Variants in MCUR1 observed in about 807,000 individuals in gnomAD.
The protein encoded by MCUR1 is MCU regulator 1.
MCUR1 carries 37 observed loss-of-function variants against 42.0 expected under a neutral mutation model. The observed-to-expected ratio is 0.88, with a 90% CI of 0.68 to 1.16. The LOEUF (loss-of-function observed/expected upper bound fraction) is 1.16. Ranked by LOEUF, MCUR1 falls within the 50% of genes most tolerant of loss-of-function variation. The pLI is 0.00. For synonymous variants in MCUR1, 229 were observed against 196.2 expected, an observed-to-expected ratio of 1.17 and a Z score of -1.40; for missense variants, 469 against 468.4, an observed-to-expected ratio of 1.00 and a Z score of -0.01.
chr6:13,807,666 TATG>T (rs1359258596), intron 1 of MCUR1, among the ~76,000 whole-genome samples: 12 of 152,236 alleles, frequency 7.9e-5, no homozygotes, highest in African/African-American at 2.7e-4. Flanking sequence ...TGCTGGATCA[TATG>T]ATAACTCCAT....
At chr6:13,808,386 T>C (rs1483122285) in intron 1 of MCUR1, among the ~76,000 whole-genome samples, 1 of 152,202 alleles carries the variant, frequency 6.6e-6, no homozygotes, top group Non-Finnish European at 1.5e-5. Context: ...CTTCATATAT[T>C]CTAGATACAA....
rs1760335235 is a variant in MCUR1, at chr6:13,814,551, C to T, written c.-122G>A. The T allele has an allele frequency of 1.9e-6, 2 of 1,068,282 alleles. No individual in the cohort carries two copies. Among genetic ancestry groups the T allele is most frequent in the Non-Finnish European group, 1.2e-6 (1 of 853,328 alleles). 66.2% of individuals were successfully genotyped at this position (1,068,282 alleles called of 1,614,324 possible). Reference sequence around the variant, plus strand: ...GCGTGGGCCACAGCGCAGGACCGCCCTTTCCTGCCGGGCGCGCGGGCGGGG... The same window carrying T: ...GCGTGGGCCACAGCGCAGGACCGCCTTTTCCTGCCGGGCGCGCGGGCGGGG... On this transcript the variant is annotated 5_prime_UTR_variant, in exon 1 of 9. Coordinates refer to ENST00000379170, the MANE Select transcript of MCUR1 (RefSeq NM_001031713.4).
At position 13,814,519 on chromosome 6, in the gene MCUR1, G is replaced by A. The variant is rs1015696426; in HGVS notation, c.-90C>T. The A allele has an allele frequency of 7.6e-7, 1 of 1,316,948 alleles. No homozygotes were observed. The highest frequency in any genetic ancestry group is 9.7e-7 in the Non-Finnish European group (1 of 1,031,580). The allele number at this position is 1,316,948 out of a possible 1,614,324, so 81.6% of individuals were successfully genotyped here. ...GGTCCAGGCCCAGAGTCCGACAGCGGGAGCGAGCGTGGGCCACAGCGCAGG... is the reference window on the plus strand; with the variant it reads ...GGTCCAGGCCCAGAGTCCGACAGCGAGAGCGAGCGTGGGCCACAGCGCAGG... On this transcript the variant is annotated 5_prime_UTR_variant, in exon 1 of 9. Transcript: ENST00000379170.
intron 1 of MCUR1, among the ~76,000 whole-genome samples, chr6:13,809,374 G>T (rs1760181194): frequency 6.6e-6 from 1 of 152,138 alleles, no homozygotes; most frequent in Non-Finnish European, 1.5e-5. Flanking sequence ...AATCATAAGA[G>T]ATATCGGTCA....
At chr6:13,792,825 T>A (rs1759760790) in intron 7 of MCUR1, among the ~76,000 whole-genome samples, 1 of 152,156 alleles carries the variant, frequency 6.6e-6, no homozygotes, top group Admixed American at 6.5e-5. Context: ...ATTCTGGAAT[T>A]CTCTCATGAA....
intron 1 of MCUR1, among the ~76,000 whole-genome samples, chr6:13,809,353 T>G (rs1053417254): frequency 6.6e-5 from 10 of 152,222 alleles, no homozygotes; most frequent in African/African-American, 2.4e-4. Flanking sequence ...GTTAAGGATT[T>G]TCTCATCTTT....
chr6:13,802,693 GT>G (rs1354431678), intron 2 of MCUR1, among the ~76,000 whole-genome samples: 5 of 152,062 alleles, frequency 3.3e-5, no homozygotes, highest in African/African-American at 4.8e-5. Flanking sequence ...TGCAATTCTT[GT>G]TTTTATAATT....
chr6:13,811,570 C>A (rs1294065490), intron 1 of MCUR1, among the ~76,000 whole-genome samples: 1 of 152,068 alleles, frequency 6.6e-6, no homozygotes, highest in African/African-American at 2.4e-5. Flanking sequence ...AGAGACCTAG[C>A]CTGAGAAACA....
rs1759622767 is a variant in MCUR1, at chr6:13,787,178, T to C, written c.*3631A>G. ...AGGAGAAGGCTAGAAGAGGGAAGAT[T>C]ATGTCACTAAGCATAGCTACAAAAG... On this transcript the variant is annotated 3_prime_UTR_variant, in exon 9 of 9. Transcript: ENST00000379170. The C allele has an allele frequency of 6.6e-6, 1 of 152,108 alleles. No individual in the cohort carries two copies. Among genetic ancestry groups the C allele is most frequent in the Non-Finnish European group, 1.5e-5 (1 of 68,024 alleles). 9.4% of individuals were successfully genotyped at this position (152,108 alleles called of 1,614,324 possible).
rs1046042890 is a variant in MCUR1, at chr6:13,790,672, C to T, written c.*137G>A. The T allele has an allele frequency of 2.9e-5, 16 of 544,682 alleles. No individual in the cohort carries two copies. The East Asian group carries it at 3.1e-4, about 11-fold the overall frequency. The allele number at this position is 544,682 out of a possible 1,614,324, so 33.7% of individuals were successfully genotyped here. On this transcript the variant is annotated 3_prime_UTR_variant, in exon 9 of 9. Transcript: ENST00000379170. ...TTCACCGTGTTGGCCAGGCTGGTCT[C>T]GAACTCCTGACCTCAGGTAATCCAC...
intron 1 of MCUR1, among the ~76,000 whole-genome samples, chr6:13,813,373 G>A (rs548951657): frequency 1.3e-5 from 2 of 151,884 alleles, no homozygotes; most frequent in East Asian, 1.9e-4. Context: ...TTCTATACCA[G>A]GCATCGAATT....
Position 13,790,542 on chromosome 6 carries a change from A to G in MCUR1, c.*267T>C, listed in dbSNP as rs1759706894. 9.1e-6 allele frequency: 2 copies of G among 219,642 alleles called. No individual in the cohort carries two copies. Among genetic ancestry groups the G allele is most frequent in the Non-Finnish European group, 9.0e-6 (1 of 111,504 alleles). 13.6% of individuals were successfully genotyped at this position (219,642 alleles called of 1,614,324 possible). ...CAGTGACGTGATCTCGGCTCACTACAAGCTCCGCCTCCCAGGTTCACACCT... is the reference window on the plus strand; with the variant it reads ...CAGTGACGTGATCTCGGCTCACTACGAGCTCCGCCTCCCAGGTTCACACCT... On this transcript the variant is annotated 3_prime_UTR_variant, in exon 9 of 9. Transcript: ENST00000379170.
At chr6:13,801,258 ACTTT>A in intron 4 of MCUR1, 26 bp downstream of exon 4, 1 of 1,400,484 alleles carries the variant, frequency 7.1e-7, no homozygotes, top group Non-Finnish European at 1.0e-6. Flanking sequence ...AATATAATCA[ACTTT>A]CTAAGTGTGA....
chr6:13,814,420 C>A lies in MCUR1; in HGVS notation c.10G>T (p.Gly4Cys). MDC[G>C]SVGGQRTQRL... ...TGGGTCCTCTGGCCGCCGACCGAGC[C>A]GCAGTCCATCCCCGAGCAGTTCACT... Residue 4 changes from glycine to cysteine, a missense_variant, in exon 1 of 9, where the codon GGC becomes TGC. Physicochemically the swap from Gly to Cys is radical, Grantham distance 159. Coordinates refer to ENST00000379170, the MANE Select transcript of MCUR1 (RefSeq NM_001031713.4). The A allele has an allele frequency of 6.5e-7, 1 of 1,539,104 alleles. No homozygotes were observed. Among genetic ancestry groups the A allele is most frequent in the South Asian group, 1.2e-5 (1 of 84,146 alleles).
At chr6:13,813,641 C>G (rs1760288107) in intron 1 of MCUR1, among the ~76,000 whole-genome samples, 1 of 152,206 alleles carries the variant, frequency 6.6e-6, no homozygotes, top group Non-Finnish European at 1.5e-5. Flanking sequence ...AGCTTTGCTG[C>G]TCAAACATAC....
chr6:13,786,888 C>A lies in MCUR1; in HGVS notation c.*3921G>T, dbSNP rs1202983188. ...AGATAAATATTTTCCAAATAAAATT[C>A]TAATAAAAGGCTAAACATTCTCAAA... On this transcript the variant is annotated 3_prime_UTR_variant, in exon 9 of 9. Transcript: ENST00000379170. The A allele has an allele frequency of 1.3e-5, 2 of 152,098 alleles. No individual in the cohort carries two copies. Among genetic ancestry groups the A allele is most frequent in the East Asian group, 3.9e-4 (2 of 5,192 alleles). 9.4% of individuals were successfully genotyped at this position (152,098 alleles called of 1,614,324 possible). A position where few individuals can be genotyped will look rare whatever the true frequency, so the allele number is the denominator to read the frequency against.
intron 1 of MCUR1, among the ~76,000 whole-genome samples, chr6:13,809,300 T>C (rs1356721324): frequency 1.3e-5 from 2 of 152,226 alleles, no homozygotes; most frequent in Non-Finnish European, 2.9e-5. Context: ...TTTAAGTACA[T>C]TGTACTTTTT....
chr6:13,802,413 T>C, intron 2 of MCUR1, 67 bp from the exon 3 acceptor site: 1 of 1,227,096 alleles, frequency 8.1e-7, no homozygotes, highest in South Asian at 1.2e-5. Context: ...AATGCACACA[T>C]TCATGTGAAT....
intron 6 of MCUR1, among the ~76,000 whole-genome samples, chr6:13,796,153 G>A (rs990854558): frequency 2.0e-5 from 3 of 152,098 alleles, no homozygotes; most frequent in East Asian, 1.9e-4. Flanking sequence ...AGTATTTTGA[G>A]TGCTGCATTA....
Sources: allele counts gnomAD v4.1 joint callset (sites outside exome capture counted in the v4.1 genomes callset), GRCh38; gene constraint gnomAD v4.1.1; transcripts MANE v1.5; gene names NCBI Gene and HGNC (gene_info 2026-07-23, HGNC 2026-07-21).